The following IMMT variants were observed in gnomAD, a reference collection of about 807,000 sequenced individuals.
IMMT encodes the protein MICOS complex subunit MIC60.
In IMMT, 40 loss-of-function variants were observed where a neutral mutation model predicts 92.7. The observed-to-expected ratio is 0.43, with a 90% CI of 0.34 to 0.56. The LOEUF (loss-of-function observed/expected upper bound fraction) is 0.56. Among genes scored for constraint, IMMT ranks in the 20% least tolerant of loss-of-function variants. IMMT has a pLI of 0.03. For synonymous variants in IMMT, 322 were observed against 336.1 expected (o/e 0.96, Z 0.46); for missense variants, 831 against 912.1 (o/e 0.91, Z 1.14).
chr2:86,162,790 G>A (rs1220514436), intron 7 of IMMT, among the ~76,000 whole-genome samples: 1 of 152,150 alleles, frequency 6.6e-6, no homozygotes, highest in Non-Finnish European at 1.5e-5. Context: ...GTTGCAGTGA[G>A]CCAAAATTGC....
intron 8 of IMMT, among the ~76,000 whole-genome samples, chr2:86,160,811 C>T (rs1676214669): frequency 6.6e-6 from 1 of 152,234 alleles, no homozygotes; most frequent in Non-Finnish European, 1.5e-5. Flanking sequence ...CAGATTGTGA[C>T]ATACTTTCTA....
intron 7 of IMMT, among the ~76,000 whole-genome samples, chr2:86,163,730 T>C (rs532188943): frequency 3.4e-4 from 52 of 152,000 alleles, no homozygotes; most frequent in Admixed American, 2.6e-4. Context: ...CCCAGCAATT[T>C]TGGAGGCTGA....
At chr2:86,178,336 A>G (rs1677585518) in intron 3 of IMMT, among the ~76,000 whole-genome samples, 1 of 147,778 alleles carries the variant, frequency 6.8e-6, no homozygotes. Context: ...AAAAAAGAAA[A>G]AAAAAAACTG....
intron 8 of IMMT, chr2:86,159,937 CTT>C (rs3835960): frequency 4.2e-6 from 1 of 239,752 alleles, no homozygotes; most frequent in Non-Finnish European, 7.7e-6. Flanking sequence ...AATGTAATTG[CTT>C]TTTTTTTTCT....
In IMMT at chr2:86,178,317, C is replaced by CAAAA. The variant is rs58264892; in HGVS notation, c.309+1112_309+1115dup. ...TGCGTGACACAGCAAGACTCCATCT[C>CAAAA]AAAAAAAAAAAAAAGAAAAAAAAAA... On this transcript the variant is annotated intron_variant, in intron 3 of 14. Coordinates refer to ENST00000410111, the MANE Select transcript of IMMT (RefSeq NM_006839.3). 1.8e-3 allele frequency among the ~76,000 whole-genome samples: 162 copies of CAAAA among 89,558 alleles called. 3 individuals are homozygous for CAAAA. Among genetic ancestry groups the CAAAA allele is most frequent in the Middle Eastern group, 0.017 (2 of 120 alleles). The allele number at this position is 89,558 out of a possible 152,430, so 58.8% of individuals were successfully genotyped here. A position where few individuals can be genotyped will look rare whatever the true frequency, so the allele number is the denominator to read the frequency against.
At chr2:86,185,594 G>A (rs115490607) in intron 1 of IMMT, among the ~76,000 whole-genome samples, 1 of 152,092 alleles carries the variant, frequency 6.6e-6, no homozygotes, top group East Asian at 1.9e-4. Context: ...AGCCTCACAG[G>A]AAGCCCAAAA....
chr2:86,153,485 G>A (rs1307158220), intron 11 of IMMT, 75 bp downstream of exon 11: 17 of 739,506 alleles, frequency 2.3e-5, no homozygotes, highest in African/African-American at 5.6e-5. Flanking sequence ...AAGAATCATA[G>A]GCACAACAAA....
intron 3 of IMMT, among the ~76,000 whole-genome samples, chr2:86,178,160 T>C (rs944092628): frequency 6.8e-6 from 1 of 147,282 alleles, no homozygotes; most frequent in Non-Finnish European, 1.5e-5. Flanking sequence ...CTAAAAAAAA[T>C]ACAAAAAATT....
At chr2:86,147,431 A>G (rs1298101870) in intron 13 of IMMT, among the ~76,000 whole-genome samples, 1 of 152,224 alleles carries the variant, frequency 6.6e-6, no homozygotes, top group Non-Finnish European at 1.5e-5. Context: ...GGAGGAAGAT[A>G]CACATGTCAA....
At chr2:86,182,878 A>G (rs1672527192) in intron 1 of IMMT, among the ~76,000 whole-genome samples, 1 of 152,080 alleles carries the variant, frequency 6.6e-6, no homozygotes, top group African/African-American at 2.4e-5. Flanking sequence ...AAAAAAACAA[A>G]AACAAAAACA....
intron 1 of IMMT, among the ~76,000 whole-genome samples, chr2:86,192,755 C>G (rs745996911): frequency 5.3e-5 from 8 of 152,056 alleles, no homozygotes; most frequent in Non-Finnish European, 1.0e-4. Context: ...GATGCCCTCT[C>G]TGAAGGGAAG....
rs1676125839 is a variant in IMMT at position 86,159,680 on chromosome 2, C to T, written c.897-9G>A. 2 of 1,537,900 alleles carry T rather than the reference C, an allele frequency of 1.3e-6. No individual in the cohort carries two copies. Among genetic ancestry groups the T allele is most frequent in the Non-Finnish European group, 1.7e-6 (2 of 1,150,240 alleles). ...TCTTCTCTAACTCTTCTCTGGAAAC[C>T]AACAAAACAAAGATTTAATATAACT... On this transcript the variant is annotated splice_polypyrimidine_tract_variant and intron_variant, in intron 8 of 14. Coordinates refer to ENST00000410111, the MANE Select transcript of IMMT (RefSeq NM_006839.3).
chr2:86,191,612 T>C (rs1331579920), intron 1 of IMMT, among the ~76,000 whole-genome samples: 2 of 151,710 alleles, frequency 1.3e-5, no homozygotes, highest in Non-Finnish European at 1.5e-5. Flanking sequence ...GTCCTTACAA[T>C]AAATCTTTCA....
intron 7 of IMMT, among the ~76,000 whole-genome samples, chr2:86,163,965 A>C (rs1416237967): frequency 6.6e-6 from 1 of 151,376 alleles, no homozygotes; most frequent in East Asian, 1.9e-4. Flanking sequence ...TCTCCAAAAA[A>C]AAAGAATGTT....
chr2:86,144,996 A>C, intron 14 of IMMT, 115 bp from the exon 15 acceptor site: 1 of 1,267,616 alleles, frequency 7.9e-7, no homozygotes, highest in Non-Finnish European at 1.1e-6. Context: ...ATGAGGCCAG[A>C]GAGACTTTCT....
intron 7 of IMMT, among the ~76,000 whole-genome samples, chr2:86,164,052 A>ATTTTTTTTTTTTTT (rs540613367): frequency 3.3e-4 from 21 of 63,030 alleles, no homozygotes; most frequent in African/African-American, 5.6e-4. Context: ...CACTTTAGTC[A>ATTTTTTTTTTTTTT]TTTTTTTTTT....
At chr2:86,172,111 G>A (rs1167426956) in intron 4 of IMMT, among the ~76,000 whole-genome samples, 4 of 151,650 alleles carry the variant, frequency 2.6e-5, no homozygotes, top group East Asian at 1.9e-4. Flanking sequence ...GGGACTATAC[G>A]TGTATACCAC....
chr2:86,176,065 T>G (rs761828689), intron 3 of IMMT, among the ~76,000 whole-genome samples: 2 of 152,196 alleles, frequency 1.3e-5, no homozygotes, highest in Non-Finnish European at 2.9e-5. Flanking sequence ...GACCCAGAGA[T>G]AAGGCTGCAA....
At chr2:86,193,407 C>CAAAAAA in intron 1 of IMMT, among the ~76,000 whole-genome samples, 1 of 137,858 alleles carries the variant, frequency 7.3e-6, no homozygotes, top group African/African-American at 2.8e-5. Flanking sequence ...ACTCCGTATC[C>CAAAAAA]AAAAAAAAAA....
Sources: gnomAD v4.1 joint callset for allele counts (sites outside exome capture counted in the v4.1 genomes callset) on GRCh38, gnomAD v4.1.1 for gene constraint, MANE v1.5 for transcripts, NCBI Gene and HGNC (gene_info 2026-07-23, HGNC 2026-07-21) for gene names.